Variants in PDPR observed in about 807,000 individuals in gnomAD.
The protein encoded by PDPR is pyruvate dehydrogenase phosphatase regulatory subunit, also known as pyruvate dehydrogenase phosphatase regulatory subunit, mitochondrial.
In PDPR, 50 loss-of-function variants were observed where a neutral mutation model predicts 102.2. The observed-to-expected ratio is 0.49, with a 90% CI of 0.39 to 0.62. The LOEUF is 0.62. Ranked by LOEUF, PDPR falls within the 20% of genes least tolerant of loss-of-function variation. The pLI is 0.00. For synonymous variants in PDPR, 259 were observed against 406.0 expected, an observed-to-expected ratio of 0.64 and a Z score of 4.35; for missense variants, 625 against 1,098.2, an observed-to-expected ratio of 0.57 and a Z score of 6.09.
chr16:70,133,438 A>ATTTT, intron 9 of PDPR, among the ~76,000 whole-genome samples: 1 of 9,326 alleles, frequency 1.1e-4, no homozygotes, highest in Non-Finnish European at 1.7e-4. Flanking sequence ...TTTTTTTGAG[A>ATTTT]TAAGAGTCTT....
intron 1 of PDPR, 130 bp downstream of exon 1, chr16:70,114,570 G>C (rs1962435904): frequency 1.3e-5 from 2 of 152,314 alleles, no homozygotes; most frequent in African/African-American, 2.4e-5. Flanking sequence ...CACGCTTCCA[G>C]TGGGTTCCGC....
At chr16:70,145,610 G>GTC (rs1459095208) in intron 15 of PDPR, 37 of 391,576 alleles carry the variant, frequency 9.4e-5, no homozygotes, top group Admixed American at 3.1e-4. Context: ...TATGATATAC[G>GTC]TCCTGCTCCT....
chr16:70,117,854 A>G (rs1423075764), intron 2 of PDPR, among the ~76,000 whole-genome samples: 1 of 152,142 alleles, frequency 6.6e-6, no homozygotes, highest in Non-Finnish European at 1.5e-5. Flanking sequence ...GCACTTTGGG[A>G]GGCCAAGGCC....
At chr16:70,126,237 G>A (rs1273036273) in intron 3 of PDPR, among the ~76,000 whole-genome samples, 2 of 152,236 alleles carry the variant, frequency 1.3e-5, no homozygotes, top group African/African-American at 4.8e-5. Flanking sequence ...TTAGAGATGG[G>A]GTCTTGCTCT....
chr16:70,132,912 A>G (rs1203125381), intron 9 of PDPR, among the ~76,000 whole-genome samples: 2 of 152,234 alleles, frequency 1.3e-5, no homozygotes, highest in Non-Finnish European at 2.9e-5. Context: ...TCGTGAGCTC[A>G]AGCAATCCTG....
chr16:70,131,798 C>T, intron 8 of PDPR: 1 of 1,366,630 alleles, frequency 7.3e-7, no homozygotes, highest in South Asian at 1.3e-5. Flanking sequence ...GTTCTCACAT[C>T]CTTTTGACGG....
At chr16:70,149,944 C>T (rs1966578702) in intron 17 of PDPR, among the ~76,000 whole-genome samples, 1 of 152,160 alleles carries the variant, frequency 6.6e-6, no homozygotes, top group South Asian at 2.1e-4. Flanking sequence ...GCGCCTGCCA[C>T]CACGCCCGGC....
intron 10 of PDPR, among the ~76,000 whole-genome samples, chr16:70,137,021 G>GC (rs1341215982): frequency 1.7e-3 from 265 of 152,128 alleles, no homozygotes; most frequent in African/African-American, 5.8e-3. Context: ...AGGATTACAG[G>GC]ATGAGCCACT....
intron 4 of PDPR, among the ~76,000 whole-genome samples, chr16:70,128,350 T>C (rs2549098): frequency 3.9e-5 from 6 of 152,218 alleles, no homozygotes; most frequent in Non-Finnish European, 4.4e-5. Context: ...GCCTCAGCCT[T>C]CCCGGTAGCT....
At chr16:70,131,075 C>T (rs1287455325) in intron 7 of PDPR, among the ~76,000 whole-genome samples, 6 of 152,230 alleles carry the variant, frequency 3.9e-5, no homozygotes, top group African/African-American at 1.4e-4. Flanking sequence ...GCTCCTTTGA[C>T]TAGCTGGTAA....
intron 18 of PDPR, 21 bp from the exon 19 acceptor site, chr16:70,156,454 G>A (rs372158219): frequency 7.0e-5 from 112 of 1,610,674 alleles, no homozygotes; most frequent in South Asian, 1.1e-4. Flanking sequence ...TGGATGACTC[G>A]GCGTTTCCTT....
At chr16:70,117,629 G>T (rs1369004299) in intron 2 of PDPR, among the ~76,000 whole-genome samples, 1 of 152,176 alleles carries the variant, frequency 6.6e-6, no homozygotes, top group Non-Finnish European at 1.5e-5. Context: ...AGAACCTGGA[G>T]CCGAATAGAA....
At chr16:70,141,135 C>T (rs1597353081) in intron 11 of PDPR, among the ~76,000 whole-genome samples, 1 of 152,174 alleles carries the variant, frequency 6.6e-6, no homozygotes, top group Non-Finnish European at 1.5e-5. Flanking sequence ...CTCACTGCAA[C>T]CTCTGCCTCC....
intron 9 of PDPR, among the ~76,000 whole-genome samples, chr16:70,134,159 T>C (rs1964853279): frequency 6.6e-6 from 1 of 152,380 alleles, no homozygotes; most frequent in Non-Finnish European, 1.5e-5. Flanking sequence ...TGTTTTGTTT[T>C]GTTTTTCAGA....
At chr16:70,122,945 G>C (rs1471025994) in intron 3 of PDPR, among the ~76,000 whole-genome samples, 1 of 152,206 alleles carries the variant, frequency 6.6e-6, no homozygotes, top group Non-Finnish European at 1.5e-5. Context: ...TTGTCACCCA[G>C]GCTGGAGTGC....
chr16:70,154,447 C>T (rs1364831571), intron 18 of PDPR, among the ~76,000 whole-genome samples: 1 of 152,288 alleles, frequency 6.6e-6, no homozygotes, highest in East Asian at 1.9e-4. Context: ...CTGGGCAATA[C>T]AGCAAGACCT....
At chr16:70,141,889 C>T (rs565919123) in intron 11 of PDPR, among the ~76,000 whole-genome samples, 78 of 152,354 alleles carry the variant, frequency 5.1e-4, no homozygotes, top group African/African-American at 1.8e-3. Context: ...CACCTGAGGT[C>T]AGGAGTTTGA....
intron 15 of PDPR, 139 bp downstream of exon 15, chr16:70,144,672 CT>C (rs1318391395): frequency 1.6e-6 from 1 of 631,018 alleles, no homozygotes; most frequent in African/African-American, 1.9e-5. Context: ...GAAAATTGAT[CT>C]CTAGGGGATG....
At chr16:70,129,807 A>C (rs1416360832) in intron 6 of PDPR, among the ~76,000 whole-genome samples, 2 of 152,266 alleles carry the variant, frequency 1.3e-5, no homozygotes, top group Non-Finnish European at 2.9e-5. Flanking sequence ...TATCATATCC[A>C]TGGTATGAGC....
Sources: gnomAD v4.1 joint callset for allele counts (sites outside exome capture counted in the v4.1 genomes callset) on GRCh38, gnomAD v4.1.1 for gene constraint, MANE v1.5 for transcripts, NCBI Gene and HGNC (gene_info 2026-07-23, HGNC 2026-07-21) for gene names.